Variants in AHI1 observed in about 807,000 individuals in gnomAD.
AHI1 encodes Abelson helper integration site 1, also known as jouberin.
Under a neutral mutation model 149.3 loss-of-function variants are expected in AHI1, and 123 were observed. The observed-to-expected ratio is 0.82, with a 90% CI of 0.71 to 0.96. The LOEUF (loss-of-function observed/expected upper bound fraction) is 0.96, where lower values mean the gene tolerates loss of function less well. Ranked by LOEUF, AHI1 falls within the 40% of genes least tolerant of loss-of-function variation. AHI1 has a pLI of 0.00. For synonymous variants in AHI1, 475 were observed against 459.8 expected (o/e 1.03, Z -0.42); for missense variants, 1,439 against 1,422.7 (o/e 1.01, Z -0.18).
chr6:135,461,890 ACT>A (rs959397920), intron 8 of AHI1, among the ~76,000 whole-genome samples: 2 of 151,876 alleles, frequency 1.3e-5, no homozygotes, highest in African/African-American at 2.4e-5. Context: ...GCAAAAATAA[ACT>A]CTGTTAGATG....
At chr6:135,430,717 T>C (rs571242106) in intron 17 of AHI1, among the ~76,000 whole-genome samples, 2 of 152,088 alleles carry the variant, frequency 1.3e-5, no homozygotes, top group East Asian at 1.9e-4. Flanking sequence ...AAAGAACTTA[T>C]TCATTTGTTT....
intron 21 of AHI1, among the ~76,000 whole-genome samples, chr6:135,405,673 A>T (rs1583063740): frequency 6.6e-6 from 1 of 152,016 alleles, no homozygotes; most frequent in African/African-American, 2.4e-5. Flanking sequence ...ATCCTGGGCC[A>T]ACGTGGTGAA....
intron 26 of AHI1, among the ~76,000 whole-genome samples, chr6:135,315,717 A>G (rs1352293661): frequency 6.6e-6 from 1 of 152,140 alleles, no homozygotes; most frequent in Admixed American, 6.6e-5. Flanking sequence ...ATCTTTTTAT[A>G]TGTCCTAAAT....
At chr6:135,485,220 C>T (rs544701195) in intron 5 of AHI1, among the ~76,000 whole-genome samples, 19 of 152,016 alleles carry the variant, frequency 1.2e-4, no homozygotes, top group Non-Finnish European at 2.1e-4. Context: ...ATAACAGGTA[C>T]ACAACATCAT....
At chr6:135,349,584 G>A (rs1031073011) in intron 24 of AHI1, among the ~76,000 whole-genome samples, 4 of 152,082 alleles carry the variant, frequency 2.6e-5, no homozygotes, top group East Asian at 1.9e-4. Flanking sequence ...CTTATTAAGC[G>A]GCATGAAGTT....
intron 11 of AHI1, among the ~76,000 whole-genome samples, chr6:135,451,111 C>T (rs531123557): frequency 1.3e-5 from 2 of 152,202 alleles, no homozygotes; most frequent in East Asian, 3.9e-4. Flanking sequence ...ATCCTCCCCG[C>T]TCAGCCTCCC....
At chr6:135,340,693 A>ATG (rs1790233201) in intron 24 of AHI1, among the ~76,000 whole-genome samples, 1 of 137,608 alleles carries the variant, frequency 7.3e-6, no homozygotes. Flanking sequence ...ATATATATAT[A>ATG]TATGTTTTTG....
At chr6:135,301,473 CT>C (rs1196059160) in intron 26 of AHI1, 148 of 985,224 alleles carry the variant, frequency 1.5e-4, no homozygotes, top group Non-Finnish European at 1.7e-4. Context: ...CTTGTTTGGC[CT>C]TTTTAGATTT....
intron 24 of AHI1, among the ~76,000 whole-genome samples, chr6:135,341,239 G>A (rs117309975): frequency 0.012 from 1,818 of 152,094 alleles, 26 homozygotes; most frequent in Non-Finnish European, 0.02. Context: ...AAGGATACAA[G>A]ACTGTTGAAA....
chr6:135,468,352 A>G (rs1791135528), intron 5 of AHI1, among the ~76,000 whole-genome samples: 1 of 152,184 alleles, frequency 6.6e-6, no homozygotes, highest in Non-Finnish European at 1.5e-5. Flanking sequence ...AGCAGAAGAC[A>G]AGAAATAACC....
intron 26 of AHI1, chr6:135,300,809 A>G (rs1319939632): frequency 9.6e-7 from 1 of 1,036,486 alleles, no homozygotes. Flanking sequence ...GCTTTCAGGT[A>G]TGTGACCAAA....
intron 11 of AHI1, among the ~76,000 whole-genome samples, chr6:135,452,992 T>C (rs933858724): frequency 6.6e-6 from 1 of 152,204 alleles, no homozygotes; most frequent in South Asian, 2.1e-4. Context: ...TGCTGGAATA[T>C]GAAGTCCAGG....
At chr6:135,492,916 A>C in intron 3 of AHI1, 1 of 981,462 alleles carries the variant, frequency 1.0e-6, no homozygotes, top group Non-Finnish European at 1.2e-6. Flanking sequence ...GTCTAAAATG[A>C]ACATATTCTC....
At chr6:135,339,471 A>G (rs1364163291) in intron 24 of AHI1, among the ~76,000 whole-genome samples, 2 of 152,142 alleles carry the variant, frequency 1.3e-5, no homozygotes, top group African/African-American at 2.4e-5. Context: ...GTACCTCACC[A>G]AACAAACAAA....
At position 135,463,517 on chromosome 6, in the gene AHI1, T is replaced by C. The variant is rs1373259472; in HGVS notation, c.750-211A>G. 2.8e-4 allele frequency among the ~76,000 whole-genome samples: 43 copies of C among 152,078 alleles called. 1 individual carries two copies. The highest frequency in any genetic ancestry group is 2.8e-3 in the Admixed American group (42 of 15,270). On this transcript the variant is annotated intron_variant, in intron 7 of 28. Coordinates refer to ENST00000265602, the MANE Select transcript of AHI1 (RefSeq NM_001134831.2). ...TGGTATTTTATACTTCGTGAGGAGTTACACGATTCAACTAAAACTGAGCTC... is the reference window on the plus strand; with the variant it reads ...TGGTATTTTATACTTCGTGAGGAGTCACACGATTCAACTAAAACTGAGCTC...
At chr6:135,477,256 G>T (rs1343158582) in intron 5 of AHI1, among the ~76,000 whole-genome samples, 6 of 151,984 alleles carry the variant, frequency 3.9e-5, no homozygotes, top group Non-Finnish European at 8.8e-5. Context: ...TAGCCAGGAT[G>T]GTCTCTATCT....
rs553109048 is a variant in AHI1, at chr6:135,376,372, T to C, written c.3110-18185A>G. On this transcript the variant is annotated intron_variant, in intron 23 of 28. Coordinates refer to ENST00000265602, the MANE Select transcript of AHI1 (RefSeq NM_001134831.2). ...TTCAACAATTACAAAGAAAAGAAAA[T>C]TAATTTTTACAATGAAGAGATCTGG... is the stretch of plus-strand genomic sequence containing the variant. Among the ~76,000 whole-genome samples, 13 of 152,232 alleles carry C rather than the reference T, an allele frequency of 8.5e-5. No individual in the cohort carries two copies. The South Asian group carries it at 2.7e-3, about 32-fold the overall frequency.
chr6:135,479,832 A>G (rs976232105), intron 5 of AHI1, among the ~76,000 whole-genome samples: 21 of 152,224 alleles, frequency 1.4e-4, no homozygotes, highest in African/African-American at 5.1e-4. Flanking sequence ...AAGAGGCACC[A>G]GGTGGGAGGT....
intron 23 of AHI1, among the ~76,000 whole-genome samples, chr6:135,366,334 T>C (rs541956033): frequency 2.3e-4 from 35 of 152,290 alleles, no homozygotes; most frequent in African/African-American, 7.0e-4. Context: ...TTGTTCTCTA[T>C]CTTTTGGAAT....
Sources: allele counts gnomAD v4.1 joint callset (sites outside exome capture counted in the v4.1 genomes callset), GRCh38; gene constraint gnomAD v4.1.1; transcripts MANE v1.5; gene names NCBI Gene and HGNC (gene_info 2026-07-23, HGNC 2026-07-21).